Variants in GLE1 observed in about 807,000 individuals in gnomAD.
GLE1 encodes mRNA export factor GLE1.
In GLE1, 78 loss-of-function variants were observed where a neutral mutation model predicts 97.3. That is an observed-to-expected ratio of 0.80 (90% CI 0.67 to 0.97). The LOEUF (loss-of-function observed/expected upper bound fraction) is 0.97. GLE1 is among the 50% of genes least tolerant of loss of function. The pLI, the probability that GLE1 is intolerant of heterozygous loss-of-function variation, is 0.00. For missense variants in GLE1, 753 were observed against 857.5 expected (o/e 0.88, Z 1.52); for synonymous variants, 302 against 313.4 (o/e 0.96, Z 0.39).
chr9:128,514,338 C>CA (rs1174493216), intron 2 of GLE1, among the ~76,000 whole-genome samples: 2,298 of 90,986 alleles, frequency 0.025, 30 homozygotes, highest in Non-Finnish European at 0.04. Flanking sequence ...GATCTTGTTT[C>CA]AAAAAAAAAA....
At chr9:128,520,632 A>C (rs1333167050) in intron 3 of GLE1, among the ~76,000 whole-genome samples, 1 of 151,730 alleles carries the variant, frequency 6.6e-6, no homozygotes, top group Non-Finnish European at 1.5e-5. Context: ...GAGACTCTGC[A>C]GTTCGGCTGG....
chr9:128,522,896 G>C, intron 4 of GLE1, 80 bp downstream of exon 4: 1 of 1,508,592 alleles, frequency 6.6e-7, no homozygotes, highest in Non-Finnish European at 9.2e-7. Context: ...CAAAGGGAAA[G>C]AGTTGAACAA....
chr9:128,525,163 A>C (rs1422991268), intron 6 of GLE1, 29 bp from the exon 7 acceptor site: 1 of 1,532,608 alleles, frequency 6.5e-7, no homozygotes, highest in Admixed American at 1.7e-5. Context: ...GGGAATGACC[A>C]CTAAGCACCA....
chr9:128,521,211 G>A (rs1847142441), intron 3 of GLE1, among the ~76,000 whole-genome samples: 1 of 152,042 alleles, frequency 6.6e-6, no homozygotes. Context: ...TGCTTGTTTA[G>A]TTTGCCTTCT....
chr9:128,508,817 T>C (rs1846715609), intron 1 of GLE1, 59 bp from the exon 2 acceptor site: 1 of 959,994 alleles, frequency 1.0e-6, no homozygotes, highest in East Asian at 2.4e-5. Flanking sequence ...AGGCATGTAG[T>C]GGATTATACT....
At chr9:128,534,387 A>G (rs921240470) in intron 11 of GLE1, among the ~76,000 whole-genome samples, 2 of 140,528 alleles carry the variant, frequency 1.4e-5, no homozygotes, top group Non-Finnish European at 3.2e-5. Flanking sequence ...AAGAAAAAAT[A>G]TATATACATA....
Position 128,536,392 on chromosome 9 carries a change from CA to C in GLE1, c.1685del (p.Gln562ArgfsTer6). 6.2e-7 allele frequency: 1 copy of C among 1,613,952 alleles called. No homozygotes were observed. The highest frequency in any genetic ancestry group is 1.1e-5 in the South Asian group (1 of 91,082). ...GYQVKDSKVE[Q>X]QDNFLKRMSG... ...CCAAGTAAAGGATTCCAAAGTGGAG[CA>C]GCAAGACAACTTTCTAAAACGCATG... On this transcript the variant is annotated frameshift_variant, in exon 12 of 16. Coordinates refer to ENST00000309971, the MANE Select transcript of GLE1 (RefSeq NM_001003722.2). LOFTEE classifies it high-confidence loss of function.
rs527886091 is a variant in GLE1 at position 128,504,755 on chromosome 9, G to T, written c.-51G>T. 4.8e-6 allele frequency: 6 copies of T among 1,252,134 alleles called. No homozygotes were observed. Among genetic ancestry groups the T allele is most frequent in the South Asian group, 1.2e-5 (1 of 84,024 alleles). 77.6% of individuals were successfully genotyped at this position (1,252,134 alleles called of 1,614,324 possible). A position where few individuals can be genotyped will look rare whatever the true frequency, so the allele number is the denominator to read the frequency against. On this transcript the variant is annotated 5_prime_UTR_variant, in exon 1 of 16. Coordinates refer to ENST00000309971, the MANE Select transcript of GLE1 (RefSeq NM_001003722.2). ...TGGCCTTCCCGGCGGCTGATTCGAG[G>T]GCTTGTTTGGTCAGAAGGGGGGCGT...
intron 2 of GLE1, among the ~76,000 whole-genome samples, chr9:128,512,949 C>T (rs1171209838): frequency 6.6e-6 from 1 of 152,082 alleles, no homozygotes; most frequent in African/African-American, 2.4e-5. Flanking sequence ...GTGCCCAGCC[C>T]GAGGTTATTT....
At chr9:128,509,172 G>A (rs1846731882) in intron 2 of GLE1, 75 bp downstream of exon 2, 1 of 873,264 alleles carries the variant, frequency 1.1e-6, no homozygotes, top group Non-Finnish European at 2.0e-6. Flanking sequence ...TCATATGACA[G>A]TGACCATACC....
chr9:128,541,397 A>C lies in GLE1; in HGVS notation c.*227A>C. 3.5e-6 allele frequency: 2 copies of C among 565,940 alleles called. No homozygotes were observed. Among genetic ancestry groups the C allele is most frequent in the Non-Finnish European group, 6.3e-6 (2 of 316,732 alleles). The allele number at this position is 565,940 out of a possible 1,614,324, so 35.1% of individuals were successfully genotyped here. ...TTAAGAGATCCACGTGATAAAATAA[A>C]TGGAGTTGGCCTTTCTTGTTTTTTG... On this transcript the variant is annotated 3_prime_UTR_variant, in exon 16 of 16. Transcript: ENST00000309971.
At chr9:128,533,681 T>C in intron 10 of GLE1, 26 bp downstream of exon 10, 1 of 1,613,810 alleles carries the variant, frequency 6.2e-7, no homozygotes, top group Non-Finnish European at 8.5e-7. Flanking sequence ...GCTAGAGGTA[T>C]GGGAAGCAGA....
In GLE1 at chr9:128,537,789, A is replaced by G. The variant is rs10988031; in HGVS notation, c.1777-197A>G. Among the ~76,000 whole-genome samples, 49,902 of 152,140 alleles carry G rather than the reference A, an allele frequency of 0.33. 10,077 individuals carry two copies. The highest frequency in any genetic ancestry group is 0.44 in the Non-Finnish European group (29,783 of 67,984). On this transcript the variant is annotated intron_variant, in intron 12 of 15. Coordinates refer to ENST00000309971, the MANE Select transcript of GLE1 (RefSeq NM_001003722.2). ...CGCACTATAGCACTCCAACCTGGAC[A>G]ACAAAGTGAGACCCTGTCTCAAAAA...
At chr9:128,514,027 AAAAAAG>A (rs779068807) in intron 2 of GLE1, among the ~76,000 whole-genome samples, 3,854 of 149,374 alleles carry the variant, frequency 0.026, 72 homozygotes, top group Non-Finnish European at 0.041. Flanking sequence ...CAAAAAAAAA[AAAAAAG>A]AAAAAGAAAA....
intron 14 of GLE1, chr9:128,539,936 A>G: frequency 2.6e-6 from 3 of 1,153,308 alleles, no homozygotes; most frequent in Non-Finnish European, 2.4e-6. Context: ...GGCTGAGCAC[A>G]GTGGCTTATG....
In GLE1 at chr9:128,541,352, TTAG is replaced by T; in HGVS notation, c.*186_*188del. On this transcript the variant is annotated 3_prime_UTR_variant, in exon 16 of 16. Transcript: ENST00000309971. The stretch of plus-strand genomic sequence containing the variant: ...GGGTCACAAAATTCTTGGAGGTCCC[TTAG>T]TAGATTTGGTAGTTCCTTAAGAGAT... The T allele has an allele frequency of 1.6e-6, 1 of 613,866 alleles. No homozygotes were observed. Among genetic ancestry groups the T allele is most frequent in the Non-Finnish European group, 2.9e-6 (1 of 344,030 alleles). 38.0% of individuals were successfully genotyped at this position (613,866 alleles called of 1,614,324 possible).
At chr9:128,511,446 G>A (rs1013812624) in intron 2 of GLE1, among the ~76,000 whole-genome samples, 1 of 150,860 alleles carries the variant, frequency 6.6e-6, no homozygotes, top group Non-Finnish European at 1.5e-5. Context: ...AGTGGCTCAC[G>A]CCTGTAATCC....
chr9:128,515,639 A>G lies in GLE1; in HGVS notation c.432A>G (p.Thr144=), dbSNP rs143432034. 7 of 1,520,374 alleles carry G rather than the reference A, an allele frequency of 4.6e-6. No individual in the cohort carries two copies. Among genetic ancestry groups the G allele is most frequent in the Non-Finnish European group, 5.5e-6 (6 of 1,094,754 alleles). 94.2% of individuals were successfully genotyped at this position (1,520,374 alleles called of 1,614,324 possible). The change falls in exon 3 of 16, where the codon ACA becomes ACG. Residue 144 remains threonine, a splice_region_variant and synonymous_variant. Transcript: ENST00000309971. ...AACTGGTACACAGAATGAAAGGAAC[A>G]GTAAGTGAACCCATGAAGGAAGGCA... is the stretch of plus-strand genomic sequence containing the variant. ...MYELVHRMKG[T]EGLRLWQEEQ...
At chr9:128,512,753 A>C (rs988814258) in intron 2 of GLE1, among the ~76,000 whole-genome samples, 1 of 151,778 alleles carries the variant, frequency 6.6e-6, no homozygotes, top group Non-Finnish European at 1.5e-5. Flanking sequence ...CTGCAACCCC[A>C]GGTTCAAGTG....
Sources: gnomAD v4.1 joint callset for allele counts (sites outside exome capture counted in the v4.1 genomes callset) on GRCh38, gnomAD v4.1.1 for gene constraint, MANE v1.5 for transcripts, NCBI Gene and HGNC (gene_info 2026-07-23, HGNC 2026-07-21) for gene names.